ZC3H18: variants seen among roughly 807,000 people sequenced by gnomAD.
ZC3H18 encodes the protein zinc finger CCCH-type containing 18.
In ZC3H18, 8 loss-of-function variants were observed where a neutral mutation model predicts 106.1. The ratio of observed to expected loss-of-function variants is 0.08; its 90% CI spans 0.04 to 0.14. The LOEUF (loss-of-function observed/expected upper bound fraction) is 0.14, where lower values mean the gene tolerates loss of function less well. ZC3H18 is among the 10% of genes least tolerant of loss of function. ZC3H18 has a pLI of 1.00. For missense variants in ZC3H18, 1,318 were observed against 1,278.4 expected, an observed-to-expected ratio of 1.03 and a Z score of -0.47; for synonymous variants, 635 against 522.1, an observed-to-expected ratio of 1.22 and a Z score of -2.95.
Position 88,611,531 on chromosome 16 carries a change from G to T in ZC3H18, c.1470G>T (p.Pro490=), listed in dbSNP as rs547297072. 13 of 1,549,620 alleles carry T rather than the reference G, an allele frequency of 8.4e-6. No individual in the cohort carries two copies. The highest frequency in any genetic ancestry group is 2.0e-4 in the Middle Eastern group (1 of 5,028). The change falls in exon 8 of 18, where the codon CCG becomes CCT. Residue 490 remains proline (P), a synonymous_variant. Coordinates refer to ENST00000301011, the MANE Select transcript of ZC3H18 (RefSeq NM_144604.4). ...AGCCCAAGCCCCGCTCCCCGCAGCC[G>T]CCAAGGTAGACCCTGCTTCCTGAAG... ...KGKPKPRSPQ[P]PSRQAEPPKK...
At chr16:88,585,799 C>T (rs573933331) in intron 2 of ZC3H18, among the ~76,000 whole-genome samples, 1 of 151,978 alleles carries the variant, frequency 6.6e-6, no homozygotes, top group South Asian at 2.1e-4. Flanking sequence ...GGAGGGGGAT[C>T]AAGAGGGGCC....
chr16:88,606,778 G>A (rs1340899510), intron 6 of ZC3H18, among the ~76,000 whole-genome samples: 1 of 152,158 alleles, frequency 6.6e-6, no homozygotes, highest in Non-Finnish European at 1.5e-5. Flanking sequence ...TAGATTGAAC[G>A]GTGTCCGACT....
Position 88,581,947 on chromosome 16 carries a change from A to G in ZC3H18, c.603+4221A>G, listed in dbSNP as rs534969877. ...GTTCCGTGTTTATATCTGACTTGACATTTGATTAGCAGGCCTTCCGTCACC... is the reference window on the plus strand; with the variant it reads ...GTTCCGTGTTTATATCTGACTTGACGTTTGATTAGCAGGCCTTCCGTCACC... On this transcript the variant is annotated intron_variant, in intron 2 of 17. Transcript: ENST00000301011. 2.6e-5 allele frequency among the ~76,000 whole-genome samples: 4 copies of G among 152,262 alleles called. No homozygotes were observed. The East Asian group carries it at 7.7e-4, about 29-fold the overall frequency.
chr16:88,624,771 T>G, intron 12 of ZC3H18, 26 bp downstream of exon 12: 2 of 1,592,232 alleles, frequency 1.3e-6, no homozygotes. Flanking sequence ...TCCGGGGCCC[T>G]CAGGCTTTCC....
At chr16:88,630,995 C>G (rs993615265) in intron 17 of ZC3H18, 106 bp from the exon 18 acceptor site, 1 of 1,429,386 alleles carries the variant, frequency 7.0e-7, no homozygotes, top group Non-Finnish European at 9.7e-7. Context: ...CTTGCCTGTC[C>G]TGGTGGCCGC....
Position 88,624,670 on chromosome 16 carries a change from T to A in ZC3H18, c.1967T>A (p.Val656Asp), listed in dbSNP as rs1427326940. The A allele has an allele frequency of 6.8e-6, 11 of 1,613,278 alleles. No homozygotes were observed. Among genetic ancestry groups the A allele is most frequent in the Non-Finnish European group, 9.3e-6 (11 of 1,179,860 alleles). The stretch of plus-strand genomic sequence containing the variant: ...CAGGCCACCAAAACCACTGCTCCTG[T>A]CCCCGAGCCCACCAAGCCAGGAGAC... ...PPQATKTTAP[V>D]PEPTKPGDPR... The change falls in exon 12 of 18, where the codon GTC becomes GAC. Residue 656 changes from valine to aspartate, a missense_variant. Val to Asp is a radical substitution (Grantham distance 152). Coordinates refer to ENST00000301011, the MANE Select transcript of ZC3H18 (RefSeq NM_144604.4).
intron 3 of ZC3H18, among the ~76,000 whole-genome samples, chr16:88,588,747 G>T (rs927363007): frequency 2.6e-5 from 4 of 152,064 alleles, no homozygotes; most frequent in African/African-American, 9.7e-5. Context: ...GGGTTTGGTG[G>T]CACGCATGTG....
intron 8 of ZC3H18, among the ~76,000 whole-genome samples, chr16:88,615,780 C>T (rs1020881842): frequency 1.3e-5 from 2 of 152,216 alleles, no homozygotes; most frequent in African/African-American, 4.8e-5. Context: ...TGGCCACAGA[C>T]CCCCTTCCCC....
chr16:88,601,861 C>T (rs955731408), intron 6 of ZC3H18, among the ~76,000 whole-genome samples: 2 of 152,002 alleles, frequency 1.3e-5, no homozygotes, highest in Admixed American at 6.6e-5. Flanking sequence ...GCATGTGTCA[C>T]AGTGGCGAGG....
intron 5 of ZC3H18, among the ~76,000 whole-genome samples, chr16:88,599,296 C>T (rs915121688): frequency 2.0e-5 from 3 of 152,274 alleles, no homozygotes; most frequent in Non-Finnish European, 4.4e-5. Context: ...CCTATCACTG[C>T]ACACTTCCTC....
At chr16:88,613,647 A>G (rs1905399418) in intron 8 of ZC3H18, among the ~76,000 whole-genome samples, 1 of 152,114 alleles carries the variant, frequency 6.6e-6, no homozygotes, top group Non-Finnish European at 1.5e-5. Context: ...TCTTCTTTGG[A>G]GAAACGCCTA....
intron 6 of ZC3H18, among the ~76,000 whole-genome samples, chr16:88,606,414 C>G (rs1004374494): frequency 2.0e-5 from 3 of 152,242 alleles, no homozygotes; most frequent in Non-Finnish European, 4.4e-5. Flanking sequence ...CGCTCATCCA[C>G]GACTTCCAGA....
At chr16:88,619,578 G>A (rs1311266832) in intron 8 of ZC3H18, among the ~76,000 whole-genome samples, 1 of 152,242 alleles carries the variant, frequency 6.6e-6, no homozygotes, top group African/African-American at 2.4e-5. Flanking sequence ...CAGAGGGAAT[G>A]AGCAGCTCTT....
chr16:88,590,851 C>G (rs1366970223), intron 3 of ZC3H18, among the ~76,000 whole-genome samples: 1 of 152,078 alleles, frequency 6.6e-6, no homozygotes, highest in Admixed American at 6.6e-5. Flanking sequence ...TGAGCCACCA[C>G]ACCCGGCCCC....
Position 88,617,258 on chromosome 16 carries a change from A to G in ZC3H18, c.1476-4939A>G, listed in dbSNP as rs141993718. 3.8e-4 allele frequency among the ~76,000 whole-genome samples: 53 copies of G among 140,984 alleles called. No homozygotes were observed. In the East Asian group the frequency reaches 0.011, roughly 28 times the overall value. 92.5% of individuals were successfully genotyped at this position (140,984 alleles called of 152,430 possible). Reference sequence around the variant, plus strand: ...CCGTCGGGATCTCATCCCCATCGGTATCTCTGGCAGGGCTTCTTGACCAGC... The same window carrying G: ...CCGTCGGGATCTCATCCCCATCGGTGTCTCTGGCAGGGCTTCTTGACCAGC... On this transcript the variant is annotated intron_variant, in intron 8 of 17. Transcript: ENST00000301011.
At chr16:88,610,882 G>A (rs1019613422) in intron 7 of ZC3H18, among the ~76,000 whole-genome samples, 3 of 152,244 alleles carry the variant, frequency 2.0e-5, no homozygotes, top group African/African-American at 4.8e-5. Context: ...CTGTGCCAAC[G>A]ACACCGGGCT....
chr16:88,631,566 G>T lies in ZC3H18; in HGVS notation c.*267G>T, dbSNP rs138298379. On this transcript the variant is annotated 3_prime_UTR_variant, in exon 18 of 18. Coordinates refer to ENST00000301011, the MANE Select transcript of ZC3H18 (RefSeq NM_144604.4). ...GTTCTCATGTAAATTACAAGCCCCA[G>T]CCGCCAGCCCCGCCTTCTCTTCCTC... is the stretch of plus-strand genomic sequence containing the variant. The T allele has an allele frequency of 2.0e-5, 11 of 563,090 alleles. No homozygotes were observed. The highest frequency in any genetic ancestry group is 3.3e-5 in the Non-Finnish European group (10 of 298,646). 34.9% of individuals were successfully genotyped at this position (563,090 alleles called of 1,614,324 possible).
chr16:88,619,100 G>A (rs1432309333), intron 8 of ZC3H18, among the ~76,000 whole-genome samples: 1 of 152,142 alleles, frequency 6.6e-6, no homozygotes, highest in East Asian at 1.9e-4. Flanking sequence ...GAAAGCCAGT[G>A]CTCAGCCTTG....
chr16:88,629,077 G>A (rs776316163), intron 16 of ZC3H18, among the ~76,000 whole-genome samples: 3 of 152,248 alleles, frequency 2.0e-5, no homozygotes, highest in South Asian at 2.1e-4. Context: ...GGTGGCTCAC[G>A]CCTATAATCC....
Sources: gnomAD v4.1 joint callset for allele counts (sites outside exome capture counted in the v4.1 genomes callset) on GRCh38, gnomAD v4.1.1 for gene constraint, MANE v1.5 for transcripts, NCBI Gene and HGNC (gene_info 2026-07-23, HGNC 2026-07-21) for gene names.